The following TMEM267 variants were observed in gnomAD, a reference collection of about 807,000 sequenced individuals.
The protein encoded by TMEM267 is transmembrane protein C5orf28.
In TMEM267, 20 loss-of-function variants were observed where a neutral mutation model predicts 19.3. The observed-to-expected ratio is 1.04, with a 90% CI of 0.73 to 1.51. The LOEUF (loss-of-function observed/expected upper bound fraction) is 1.51. TMEM267 is among the 40% of genes most tolerant of loss of function. The pLI is 0.00. For synonymous variants in TMEM267, 88 were observed against 90.3 expected (o/e 0.97, Z 0.15); for missense variants, 242 against 261.9 (o/e 0.92, Z 0.52).
chr5:43,472,761 CAT>C (rs1232884130), intron 1 of TMEM267, among the ~76,000 whole-genome samples: 1 of 74,730 alleles, frequency 1.3e-5, no homozygotes, highest in African/African-American at 9.0e-5. Context: ...AACTCGTGGA[CAT>C]AGAGAGTAGA....
At chr5:43,463,188 GAAGA>G (rs1743384724) in intron 1 of TMEM267, among the ~76,000 whole-genome samples, 1 of 152,172 alleles carries the variant, frequency 6.6e-6, no homozygotes, top group African/African-American at 2.4e-5. Context: ...AGAAAATCTA[GAAGA>G]AATGGATAAA....
intron 1 of TMEM267, among the ~76,000 whole-genome samples, chr5:43,466,737 AC>A (rs1399190830): frequency 6.6e-6 from 1 of 152,136 alleles, no homozygotes; most frequent in Non-Finnish European, 1.5e-5. Flanking sequence ...GTATCTACAA[AC>A]CTCATAATAA....
chr5:43,463,223 C>T (rs911206521), intron 1 of TMEM267, among the ~76,000 whole-genome samples: 1 of 152,186 alleles, frequency 6.6e-6, no homozygotes, highest in African/African-American at 2.4e-5. Context: ...CATACACCCT[C>T]CCAAGACTAA....
chr5:43,480,173 TA>T (rs1744674330), intron 1 of TMEM267, among the ~76,000 whole-genome samples: 1 of 152,104 alleles, frequency 6.6e-6, no homozygotes, highest in Non-Finnish European at 1.5e-5. Context: ...CCTCCTTCAA[TA>T]AAGTATGGCC....
chr5:43,457,271 C>A (rs1024652525), intron 1 of TMEM267, among the ~76,000 whole-genome samples: 3 of 152,140 alleles, frequency 2.0e-5, no homozygotes, highest in Non-Finnish European at 4.4e-5. Context: ...GTATGCAGGG[C>A]AAAGGGCATC....
chr5:43,473,895 T>C (rs1744236776), intron 1 of TMEM267, among the ~76,000 whole-genome samples: 3 of 152,188 alleles, frequency 2.0e-5, no homozygotes, highest in South Asian at 2.1e-4. Flanking sequence ...AAAAACAGCA[T>C]GGTACTGGTA....
intron 1 of TMEM267, among the ~76,000 whole-genome samples, chr5:43,465,351 T>C (rs1486195518): frequency 6.6e-6 from 1 of 152,202 alleles, no homozygotes. Flanking sequence ...AGGGACACTT[T>C]TACACTGTTG....
In TMEM267 at chr5:43,453,868, G is replaced by A. The variant is rs1171725740; in HGVS notation, c.102C>T (p.Asp34=). 1.9e-6 allele frequency: 3 copies of A among 1,614,038 alleles called. No individual in the cohort carries two copies. Among genetic ancestry groups the A allele is most frequent in the Non-Finnish European group, 2.5e-6 (3 of 1,179,960 alleles). ...LGLGAFCLVA[D]RLLQFSTIQQ... is the part of the protein sequence containing the mutation. ...GAATTGTGGAAAACTGAAGAAGTCT[G>A]TCAGCTACGAGGCAAAATGCCCCCA... is the stretch of plus-strand genomic sequence containing the variant. The change falls in exon 2 of 3, where the codon GAC becomes GAT. Residue 34 remains aspartate, a synonymous_variant. Transcript: ENST00000397080.
At chr5:43,455,622 G>A (rs1346263212) in intron 1 of TMEM267, among the ~76,000 whole-genome samples, 1 of 151,922 alleles carries the variant, frequency 6.6e-6, no homozygotes, top group Non-Finnish European at 1.5e-5. Context: ...ATCTTGGCTC[G>A]CTGCAACCTC....
chr5:43,446,251 AAG>A lies in TMEM267; in HGVS notation c.617_618del (p.Ser206PhefsTer8). Reference sequence around the variant, plus strand: ...ACATCAATACGAACTCCATGTTTTGAAGACATCATTTGTCTGGTTCCTGTTAA... The same window carrying A: ...ACATCAATACGAACTCCATGTTTTGAACATCATTTGTCTGGTTCCTGTTAA... ...MYLTGTRQMM[S>X]SKHGVRIDV On this transcript the variant is annotated frameshift_variant, in exon 3 of 3. Coordinates refer to ENST00000397080, the MANE Select transcript of TMEM267 (RefSeq NM_022483.5). LOFTEE classifies it high-confidence loss of function. 1 of 1,612,934 alleles carries A rather than the reference AAG, an allele frequency of 6.2e-7. No homozygotes were observed. The highest frequency in any genetic ancestry group is 8.5e-7 in the Non-Finnish European group (1 of 1,178,982).
chr5:43,446,318 G>A lies in TMEM267; in HGVS notation c.552C>T (p.Ile184=), dbSNP rs1313266195. Residue 184 remains isoleucine (I), a synonymous_variant, in exon 3 of 3, where the codon ATC becomes ATT. Coordinates refer to ENST00000397080, the MANE Select transcript of TMEM267 (RefSeq NM_022483.5). ...AACAGATGTGAGGTAAAGATGATGTGATTATTACATAAAGCCAGAATGGCA... is the reference window on the plus strand; with the variant it reads ...AACAGATGTGAGGTAAAGATGATGTAATTATTACATAAAGCCAGAATGGCA... ...SPLPFWLYVI[I]TSSLPHICSF... is the part of the protein sequence containing the mutation. 6.2e-7 allele frequency: 1 copy of A among 1,613,666 alleles called. No individual in the cohort carries two copies. Among genetic ancestry groups the A allele is most frequent in the Non-Finnish European group, 8.5e-7 (1 of 1,179,588 alleles).
chr5:43,460,330 C>G (rs1743185620), intron 1 of TMEM267, among the ~76,000 whole-genome samples: 1 of 152,070 alleles, frequency 6.6e-6, no homozygotes, highest in African/African-American at 2.4e-5. Flanking sequence ...AGTACACATT[C>G]TTTTCAAATG....
intron 1 of TMEM267, among the ~76,000 whole-genome samples, chr5:43,478,249 T>C (rs770517936): frequency 4.6e-5 from 7 of 152,236 alleles, no homozygotes; most frequent in African/African-American, 7.2e-5. Context: ...TGTAATTTTA[T>C]ATAAACAACT....
At chr5:43,455,042 G>GCAGA (rs1454258749) in intron 1 of TMEM267, among the ~76,000 whole-genome samples, 1 of 152,152 alleles carries the variant, frequency 6.6e-6, no homozygotes, top group Non-Finnish European at 1.5e-5. Context: ...TTCTAAAACT[G>GCAGA]CAGAGGACCT....
chr5:43,448,722 G>C (rs897875553), intron 2 of TMEM267, among the ~76,000 whole-genome samples: 1 of 151,982 alleles, frequency 6.6e-6, no homozygotes, highest in Non-Finnish European at 1.5e-5. Flanking sequence ...GTTGAGGTGA[G>C]CTGAGATCAT....
At chr5:43,476,005 G>T (rs576045207) in intron 1 of TMEM267, 3 of 152,264 alleles carry the variant, frequency 2.0e-5, no homozygotes, top group African/African-American at 7.2e-5. Context: ...TTGGCTATAG[G>T]AGACATTATA....
rs1006452354 is a variant in TMEM267 at position 43,453,695 on chromosome 5, A to T, written c.275T>A (p.Val92Glu). ...LAGFLASVIDVDHFFLAGSMS... is the reference protein window; with the variant it reads ...LAGFLASVIDEDHFFLAGSMS... ...GGATCCAGCTAGAAAAAAGTGGTCT[A>T]CATCAATAACAGAGGCTAAAAATCC... The change falls in exon 2 of 3, where the codon GTA becomes GAA. Residue 92 changes from valine (V) to glutamate (E), a missense_variant. Val to Glu is a moderately radical substitution (Grantham distance 121). Transcript: ENST00000397080. 1 of 1,613,978 alleles carries T rather than the reference A, an allele frequency of 6.2e-7. No homozygotes were observed. The highest frequency in any genetic ancestry group is 1.7e-5 in the Admixed American group (1 of 59,976).
intron 2 of TMEM267, among the ~76,000 whole-genome samples, chr5:43,450,824 TTTTTGTTTTG>T (rs896794345): frequency 3.3e-5 from 5 of 152,154 alleles, no homozygotes; most frequent in Admixed American, 6.6e-5. Context: ...TTTATTGTTT[TTTTTGTTTTG>T]TTTTGTTTTG....
intron 1 of TMEM267, among the ~76,000 whole-genome samples, chr5:43,454,825 C>A (rs973074688): frequency 1.3e-5 from 2 of 152,190 alleles, no homozygotes; most frequent in Non-Finnish European, 2.9e-5. Flanking sequence ...AAAATGCAAT[C>A]ATAATTCTAT....
Sources: allele counts gnomAD v4.1 joint callset (sites outside exome capture counted in the v4.1 genomes callset), GRCh38; gene constraint gnomAD v4.1.1; transcripts MANE v1.5; gene names NCBI Gene and HGNC (gene_info 2026-07-23, HGNC 2026-07-21).